CD226: variants seen among roughly 807,000 people sequenced by gnomAD.
The protein encoded by CD226 is CD226 molecule, also known as CD226 antigen.
CD226 carries 24 observed loss-of-function variants against 34.9 expected under a neutral mutation model. The ratio of observed to expected loss-of-function variants is 0.69; its 90% CI spans 0.50 to 0.97. The LOEUF is 0.97. Among genes scored for constraint, CD226 ranks in the 50% least tolerant of loss-of-function variants. CD226 has a pLI of 0.00. For synonymous variants in CD226, 148 were observed against 147.4 expected (o/e 1.00, Z -0.03); for missense variants, 397 against 412.7 (o/e 0.96, Z 0.33).
chr18:69,956,160 T>C (rs1166512794), intron 1 of CD226, among the ~76,000 whole-genome samples: 1 of 152,248 alleles, frequency 6.6e-6, no homozygotes, highest in East Asian at 1.9e-4. Context: ...AGCCCACTGA[T>C]TTCCATAAAC....
chr18:69,920,254 G>T (rs901877377), intron 2 of CD226, among the ~76,000 whole-genome samples: 1 of 152,312 alleles, frequency 6.6e-6, no homozygotes, highest in African/African-American at 2.4e-5. Flanking sequence ...TCCTGGGGAA[G>T]ATATTACAAA....
Position 69,861,323 on chromosome 18 carries a change from T to C in CD226, c.*2991A>G, listed in dbSNP as rs1164925626. The C allele has an allele frequency of 6.6e-6, 1 of 151,380 alleles. No homozygotes were observed. The highest frequency in any genetic ancestry group is 1.5e-5 in the Non-Finnish European group (1 of 67,750). The allele number at this position is 151,380 out of a possible 1,614,324, so 9.4% of individuals were successfully genotyped here. A position where few individuals can be genotyped will look rare whatever the true frequency, so the allele number is the denominator to read the frequency against. ...TATACCTAAAGTTCTTTAAATAAAG[T>C]TTGAAGGTATCTCTTATAATAATAT... On this transcript the variant is annotated 3_prime_UTR_variant, in exon 6 of 6. Transcript: ENST00000582621.
intron 2 of CD226, among the ~76,000 whole-genome samples, chr18:69,933,758 T>C (rs1411511084): frequency 6.6e-6 from 1 of 152,234 alleles, no homozygotes; most frequent in Non-Finnish European, 1.5e-5. Context: ...CCATTTTCCC[T>C]TTAGTTCAAT....
At position 69,878,656 on chromosome 18, in the gene CD226, G is replaced by A. The variant is rs189496081; in HGVS notation, c.728-5410C>T. ...AACATCAAGCGTTAGGCTGGAAACT[G>A]CAAATTAAAACCACAATGAGAGACC... On this transcript the variant is annotated intron_variant, in intron 3 of 5. Coordinates refer to ENST00000582621, the MANE Select transcript of CD226 (RefSeq NM_001303618.2). Among the ~76,000 whole-genome samples, 69 of 152,258 alleles carry A rather than the reference G, an allele frequency of 4.5e-4. 1 individual carries two copies. Among genetic ancestry groups the A allele is most frequent in the Middle Eastern group, 3.4e-3 (1 of 294 alleles).
At chr18:69,957,351 T>TC (rs2055906706), upstream of CD226, among the ~76,000 whole-genome samples, 1 of 24,430 alleles carries the variant, frequency 4.1e-5, no homozygotes, top group South Asian at 0.038. Context: ...CTAGATACTC[T>TC]TTTTTTTTTC....
Position 69,947,519 on chromosome 18 carries a change from C to T in CD226, c.-113G>A, listed in dbSNP as rs188860784. 462 of 589,110 alleles carry T rather than the reference C, an allele frequency of 7.8e-4. No individual in the cohort carries two copies. Among genetic ancestry groups the T allele is most frequent in the Non-Finnish European group, 1.1e-3 (390 of 344,016 alleles). 36.5% of individuals were successfully genotyped at this position (589,110 alleles called of 1,614,324 possible). On this transcript the variant is annotated 5_prime_UTR_variant, in exon 1 of 6. Transcript: ENST00000582621. ...TTCCTTCCTCTCAGATGTTATCAGT[C>T]GTGTCTTCTTTTTCTGAAGTATGAA...
Position 69,896,018 on chromosome 18 carries a change from T to C in CD226, c.410A>G (p.Asn137Ser), listed in dbSNP as rs547856323. Residue 137 changes from asparagine (N) to serine (S), a missense_variant, in exon 3 of 6, where the codon AAT (asparagine) becomes AGT (serine). Coordinates refer to ENST00000582621, the MANE Select transcript of CD226 (RefSeq NM_001303618.2). ...SDSFEAAVPS[N>S]SHIVSEPGKN... ...TCCAGGTTCCGAAACAATGTGGCTA[T>C]TTGATGGCACAGCTGCCTCAAAACT... The C allele has an allele frequency of 2.5e-6, 4 of 1,611,486 alleles. No individual in the cohort carries two copies. The highest frequency in any genetic ancestry group is 1.3e-5 in the African/African-American group (1 of 75,046).
chr18:69,874,053 T>C (rs544195580), intron 3 of CD226, among the ~76,000 whole-genome samples: 1 of 152,242 alleles, frequency 6.6e-6, no homozygotes, highest in East Asian at 1.9e-4. Flanking sequence ...TCCAACTCAA[T>C]GTCTGAAAGT....
At chr18:69,959,292 T>C (rs992857218), upstream of CD226, among the ~76,000 whole-genome samples, 3 of 152,188 alleles carry the variant, frequency 2.0e-5, no homozygotes, top group Admixed American at 6.5e-5. Context: ...AGCAGTGAGA[T>C]AGAATGAAGA....
chr18:69,932,487 C>T (rs565900716), intron 2 of CD226, among the ~76,000 whole-genome samples: 10 of 152,312 alleles, frequency 6.6e-5, no homozygotes, highest in African/African-American at 1.4e-4. Flanking sequence ...GCTGATCACA[C>T]ATCAAATTTC....
At chr18:69,889,771 T>C (rs1383741621) in intron 3 of CD226, among the ~76,000 whole-genome samples, 1 of 152,176 alleles carries the variant, frequency 6.6e-6, no homozygotes, top group Non-Finnish European at 1.5e-5. Flanking sequence ...TCCCCTGTCC[T>C]TCCTCCTTGT....
chr18:69,915,583 C>A (rs989290950), intron 2 of CD226, among the ~76,000 whole-genome samples: 3 of 152,134 alleles, frequency 2.0e-5, no homozygotes, highest in African/African-American at 7.2e-5. Context: ...AATGCGGAAA[C>A]TAATTGAAAT....
chr18:69,864,582 G>A, intron 5 of CD226, 143 bp from the exon 6 acceptor site: 1 of 777,626 alleles, frequency 1.3e-6, no homozygotes, highest in Non-Finnish European at 2.0e-6. Context: ...CATTCTCATT[G>A]TATTGAACTT....
At chr18:69,900,646 G>A (rs183282735) in intron 2 of CD226, among the ~76,000 whole-genome samples, 3,222 of 149,872 alleles carry the variant, frequency 0.021, 54 homozygotes, top group South Asian at 0.044. Flanking sequence ...GCAGGAGAAT[G>A]GCGTGAACCC....
At chr18:69,902,954 G>T (rs1333808297) in intron 2 of CD226, among the ~76,000 whole-genome samples, 3 of 152,026 alleles carry the variant, frequency 2.0e-5, no homozygotes, top group Admixed American at 1.3e-4. Flanking sequence ...CCAAATAAAT[G>T]CAAAATGAAA....
chr18:69,942,010 G>C (rs1262164574), intron 2 of CD226, among the ~76,000 whole-genome samples: 1 of 152,056 alleles, frequency 6.6e-6, no homozygotes, highest in East Asian at 1.9e-4. Context: ...TTTTATAAGG[G>C]GCTTTTCCCC....
chr18:69,912,826 G>A (rs1235626099), intron 2 of CD226, among the ~76,000 whole-genome samples: 1 of 152,194 alleles, frequency 6.6e-6, no homozygotes, highest in African/African-American at 2.4e-5. Flanking sequence ...TCAGGGTAGA[G>A]AAGTAAAGAG....
At chr18:69,881,391 G>A (rs1124980) in intron 3 of CD226, among the ~76,000 whole-genome samples, 88,836 of 151,942 alleles carry the variant, frequency 0.58, 26,683 homozygotes, top group East Asian at 0.87. Flanking sequence ...AACAGAGACT[G>A]AGGAGAAAAG....
chr18:69,949,886 ACT>A (rs1490438872), upstream of CD226, among the ~76,000 whole-genome samples: 3 of 151,422 alleles, frequency 2.0e-5, no homozygotes, highest in Non-Finnish European at 2.9e-5. Context: ...ACACTGTCTC[ACT>A]CTATCTCAAT....
Sources: gnomAD v4.1 joint callset for allele counts (sites outside exome capture counted in the v4.1 genomes callset) on GRCh38, gnomAD v4.1.1 for gene constraint, MANE v1.5 for transcripts, NCBI Gene and HGNC (gene_info 2026-07-23, HGNC 2026-07-21) for gene names.